The following KALRN variants were observed in gnomAD, a reference collection of about 807,000 sequenced individuals.
The protein encoded by KALRN is kalirin.
A neutral mutation model predicts 353.7 loss-of-function variants in KALRN; 70 were observed. That is an observed-to-expected ratio of 0.20 (90% CI 0.16 to 0.24). The LOEUF (loss-of-function observed/expected upper bound fraction) is 0.24. Ranked by LOEUF, KALRN falls within the 10% of genes least tolerant of loss-of-function variation. KALRN has a pLI of 1.00. For missense variants in KALRN, 2,791 were observed against 3,756.7 expected (o/e 0.74, Z 6.72); for synonymous variants, 1,391 against 1,434.8 (o/e 0.97, Z 0.69).
chr3:124,642,938 A>G (rs766388489), intron 37 of KALRN, among the ~76,000 whole-genome samples: 10 of 150,234 alleles, frequency 6.7e-5, no homozygotes, highest in Non-Finnish European at 1.0e-4. Flanking sequence ...TGCCTCAGCC[A>G]CCTGAGTAGC....
Position 124,118,317 on chromosome 3 carries a change from C to T in KALRN, c.73+84504C>T, listed in dbSNP as rs763354314. Among the ~76,000 whole-genome samples the T allele has an allele frequency of 2.6e-5, 4 of 152,018 alleles. 1 individual carries two copies. The highest frequency in any genetic ancestry group is 5.9e-5 in the Non-Finnish European group (4 of 68,004). The stretch of plus-strand genomic sequence containing the variant: ...CACTTGGAGGGGGCTGTTCTTGGGG[C>T]CGATGGGGGTGTGTGGCTTAGACTA... On this transcript the variant is annotated intron_variant, in intron 1 of 59. Coordinates refer to ENST00000682506, the MANE Select transcript of KALRN (RefSeq NM_001388419.1).
chr3:124,233,740 C>A lies in KALRN; in HGVS notation c.149-1089C>A, dbSNP rs537768572. Among the ~76,000 whole-genome samples the A allele has an allele frequency of 2.0e-5, 3 of 152,222 alleles. No homozygotes were observed. The South Asian group carries it at 6.2e-4, about 32-fold the overall frequency. ...CTCTGTGTAAGAGATCCTTGTTTTCCAGTATTGGTGAGGTTCGCACCTCTC... is the reference window on the plus strand; with the variant it reads ...CTCTGTGTAAGAGATCCTTGTTTTCAAGTATTGGTGAGGTTCGCACCTCTC... On this transcript the variant is annotated intron_variant, in intron 2 of 59. Coordinates refer to ENST00000682506, the MANE Select transcript of KALRN (RefSeq NM_001388419.1).
chr3:124,636,662 A>C (rs1258238496), intron 36 of KALRN, among the ~76,000 whole-genome samples: 1 of 152,126 alleles, frequency 6.6e-6, no homozygotes, highest in Non-Finnish European at 1.5e-5. Flanking sequence ...GAATATAGGA[A>C]GGGAGTATCT....
chr3:124,472,001 G>A (rs1409558272), intron 25 of KALRN, among the ~76,000 whole-genome samples: 2 of 148,286 alleles, frequency 1.3e-5, no homozygotes, highest in African/African-American at 4.9e-5. Flanking sequence ...TCATTTTACA[G>A]AAAGGCATTC....
intron 1 of KALRN, among the ~76,000 whole-genome samples, chr3:124,084,561 C>T (rs1463167479): frequency 6.6e-6 from 1 of 152,210 alleles, no homozygotes; most frequent in Non-Finnish European, 1.5e-5. Context: ...TTTAGCACAT[C>T]TGTCTCTTTC....
chr3:124,135,193 G>A (rs147100824), intron 1 of KALRN, among the ~76,000 whole-genome samples: 84 of 152,288 alleles, frequency 5.5e-4, no homozygotes, highest in African/African-American at 1.9e-3. Flanking sequence ...ATACTACTCA[G>A]CCCTAAAAAG....
In KALRN at chr3:124,268,928, C is replaced by T; in HGVS notation, c.642C>T (p.Ala214=). 1 of 1,614,084 alleles carries T rather than the reference C, an allele frequency of 6.2e-7. No individual in the cohort carries two copies. Among genetic ancestry groups the T allele is most frequent in the Non-Finnish European group, 8.5e-7 (1 of 1,179,982 alleles). ...SRLEDLQEML[A]RKEFPVDVEG... ...TCGAGGACCTCCAGGAGATGCTAGC[C>T]CGGAAGGAGTTTCCTGTGGATGTGG... The change falls in exon 5 of 60, where the codon GCC becomes GCT. Residue 214 remains alanine, a synonymous_variant. Coordinates refer to ENST00000682506, the MANE Select transcript of KALRN (RefSeq NM_001388419.1).
intron 28 of KALRN, among the ~76,000 whole-genome samples, chr3:124,484,709 G>A (rs2062364545): frequency 6.6e-6 from 1 of 152,224 alleles, no homozygotes; most frequent in Non-Finnish European, 1.5e-5. Context: ...TAGAAAGTTA[G>A]CATTGAATTT....
At chr3:124,201,231 AC>A (rs1241054011) in intron 1 of KALRN, among the ~76,000 whole-genome samples, 1 of 152,200 alleles carries the variant, frequency 6.6e-6, no homozygotes, top group Non-Finnish European at 1.5e-5. Context: ...ACAAATAAGC[AC>A]CTTACTTGTT....
intron 58 of KALRN, among the ~76,000 whole-genome samples, chr3:124,715,617 C>T (rs1170377573): frequency 2.0e-5 from 3 of 152,218 alleles, no homozygotes; most frequent in Non-Finnish European, 4.4e-5. Flanking sequence ...TGGGTTCTAG[C>T]CTTTGCTCCT....
At chr3:124,301,561 A>G (rs959183543) in intron 6 of KALRN, among the ~76,000 whole-genome samples, 1 of 152,194 alleles carries the variant, frequency 6.6e-6, no homozygotes, top group East Asian at 1.9e-4. Context: ...CTTGATAAAC[A>G]TACCTGGTGC....
At chr3:124,049,335 C>T (rs144275078) in intron 1 of KALRN, among the ~76,000 whole-genome samples, 1 of 152,264 alleles carries the variant, frequency 6.6e-6, no homozygotes, top group East Asian at 1.9e-4. Context: ...TAATTCTACC[C>T]ACCACTAAAT....
chr3:124,482,893 T>C lies in KALRN; in HGVS notation c.4277T>C (p.Leu1426Pro). 1 of 1,606,490 alleles carries C rather than the reference T, an allele frequency of 6.2e-7. No individual in the cohort carries two copies. Among genetic ancestry groups the C allele is most frequent in the Non-Finnish European group, 8.5e-7 (1 of 1,173,038 alleles). Residue 1426 changes from leucine (L) to proline (P), a missense_variant, in exon 28 of 60, where the codon CTC becomes CCC. Coordinates refer to ENST00000682506, the MANE Select transcript of KALRN (RefSeq NM_001388419.1). ...CAAAGGATCACCAAATATCAACTGC[T>C]CCTGAAGGTACCTCCCCTCCCCTCT... ...PVQRITKYQL[L>P]LKELLTCCEE...
At chr3:124,163,977 C>T in intron 1 of KALRN, 4 of 985,404 alleles carry the variant, frequency 4.1e-6, no homozygotes, top group Non-Finnish European at 4.8e-6. Context: ...TTTCTGTGGT[C>T]ATTCAGAGTA....
intron 34 of KALRN, among the ~76,000 whole-genome samples, chr3:124,616,250 C>T (rs570527626): frequency 6.6e-6 from 1 of 152,284 alleles, no homozygotes; most frequent in African/African-American, 2.4e-5. Flanking sequence ...AACTCTTCCC[C>T]CCAGCCTCTA....
rs1427491805 is a variant in KALRN at position 124,384,944 on chromosome 3, C to A, written c.1870C>A (p.Leu624Met). ...PEEIYKAARH[L>M]EVRIQDFVRR... Reference sequence around the variant, plus strand: ...GGAGATCTACAAGGCAGCTCGACACCTGGAGGTGCGCATCCAAGACTTCGT... The same window carrying A: ...GGAGATCTACAAGGCAGCTCGACACATGGAGGTGCGCATCCAAGACTTCGT... The change falls in exon 11 of 60, where the codon CTG (leucine) becomes ATG (methionine). Residue 624 changes from leucine to methionine, a missense_variant. Physicochemically the swap from Leu to Met is conservative, Grantham distance 15. Coordinates refer to ENST00000682506, the MANE Select transcript of KALRN (RefSeq NM_001388419.1). 1 of 1,614,110 alleles carries A rather than the reference C, an allele frequency of 6.2e-7. No individual in the cohort carries two copies. The highest frequency in any genetic ancestry group is 1.1e-5 in the South Asian group (1 of 91,034).
intron 15 of KALRN, among the ~76,000 whole-genome samples, chr3:124,423,995 G>C (rs996993816): frequency 6.6e-6 from 1 of 152,154 alleles, no homozygotes; most frequent in Non-Finnish European, 1.5e-5. Context: ...CCATTTTGTT[G>C]AGTGCTATGG....
At chr3:124,106,589 A>G (rs2062333896) in intron 1 of KALRN, among the ~76,000 whole-genome samples, 2 of 152,156 alleles carry the variant, frequency 1.3e-5, no homozygotes, top group South Asian at 4.1e-4. Flanking sequence ...CCTCCCTTCT[A>G]TATAAAGCCT....
At chr3:124,232,735 C>T (rs2079306521) in intron 2 of KALRN, among the ~76,000 whole-genome samples, 1 of 152,232 alleles carries the variant, frequency 6.6e-6, no homozygotes, top group Admixed American at 6.5e-5. Flanking sequence ...TAGAATTCTC[C>T]AGGCTTTCTC....
Sources: allele counts gnomAD v4.1 joint callset (sites outside exome capture counted in the v4.1 genomes callset), GRCh38; gene constraint gnomAD v4.1.1; transcripts MANE v1.5; gene names NCBI Gene and HGNC (gene_info 2026-07-23, HGNC 2026-07-21).